LIMCH1: variants seen among roughly 807,000 people sequenced by gnomAD.
LIMCH1 encodes LIM and calponin homology domains-containing protein 1.
LIMCH1 carries 113 observed loss-of-function variants against 176.5 expected under a neutral mutation model. The observed-to-expected ratio is 0.64, with a 90% CI of 0.55 to 0.75. The LOEUF is 0.75. LIMCH1 is among the 30% of genes least tolerant of loss of function. The probability of loss-of-function intolerance (pLI) is 0.00; values close to 1 mark genes in which losing one functional copy is unlikely to be tolerated. For synonymous variants in LIMCH1, 619 were observed against 645.9 expected, an observed-to-expected ratio of 0.96 and a Z score of 0.63; for missense variants, 1,674 against 1,814.9, an observed-to-expected ratio of 0.92 and a Z score of 1.41.
intron 31 of LIMCH1, among the ~76,000 whole-genome samples, chr4:41,695,333 T>C (rs1017441323): frequency 1.3e-5 from 2 of 151,606 alleles, no homozygotes; most frequent in African/African-American, 2.4e-5. Flanking sequence ...ATTGTTTTTT[T>C]TTTTCTCCTT....
At chr4:41,481,598 G>A (rs961715914) in intron 1 of LIMCH1, among the ~76,000 whole-genome samples, 2 of 152,176 alleles carry the variant, frequency 1.3e-5, no homozygotes, top group African/African-American at 4.8e-5. Context: ...GGTGGCAACT[G>A]CAGTTGTCTG....
intron 2 of LIMCH1, among the ~76,000 whole-genome samples, chr4:41,523,977 G>A (rs59451904): frequency 0.01 from 1,596 of 152,264 alleles, 27 homozygotes; most frequent in African/African-American, 0.036. Flanking sequence ...ATGTGTCTTG[G>A]CGAATCATTT....
At chr4:41,593,389 TG>T (rs2088040833) in intron 1 of LIMCH1, among the ~76,000 whole-genome samples, 2 of 152,238 alleles carry the variant, frequency 1.3e-5, no homozygotes, top group Admixed American at 1.3e-4. Flanking sequence ...ATGCAGTACT[TG>T]CCAATTAGCC....
chr4:41,362,795 C>A (rs1184212165), intron 1 of LIMCH1, among the ~76,000 whole-genome samples: 1 of 152,108 alleles, frequency 6.6e-6, no homozygotes, highest in Non-Finnish European at 1.5e-5. Flanking sequence ...ATATTTCAGG[C>A]TATTATGCAG....
At chr4:41,613,381 T>G (rs1335938652) in intron 4 of LIMCH1, 85 bp from the exon 5 acceptor site, 1 of 1,176,852 alleles carries the variant, frequency 8.5e-7, no homozygotes, top group African/African-American at 1.5e-5. Context: ...ATGCAGGGGT[T>G]TTTTTGGAGA....
At chr4:41,661,819 T>A in intron 19 of LIMCH1, 1 of 385,416 alleles carries the variant, frequency 2.6e-6, no homozygotes, top group Non-Finnish European at 4.8e-6. Flanking sequence ...AAATTGAGGG[T>A]AGGATTTTGA....
rs184532256 is a variant in LIMCH1, at chr4:41,613,643, C to T, written c.187C>T (p.Leu63Phe). 2.9e-5 allele frequency: 47 copies of T among 1,614,036 alleles called. No individual in the cohort carries two copies. In the East Asian group the frequency reaches 9.8e-4, roughly 34 times the overall value. ...SRQTPSPDVV[L>F]RGSSDGRGSD... ...GCAGACGCCTTCACCAGATGTAGTC[C>T]TCAGGGGAAGCAGCGATGGTAGGTT... Residue 63 changes from leucine to phenylalanine, a missense_variant, in exon 5 of 32, where the codon CTC becomes TTC. Leu to Phe is a conservative substitution (Grantham distance 22, BLOSUM62 0). This residue lies in a region of LIMCH1 where 655 missense variants were observed against 692.2 expected (regional missense o/e 0.95). Transcript: ENST00000503057.
intron 1 of LIMCH1, among the ~76,000 whole-genome samples, chr4:41,589,244 G>A (rs190343691): frequency 1.6e-4 from 25 of 152,286 alleles, no homozygotes; most frequent in Non-Finnish European, 8.8e-5. Flanking sequence ...TACTTCTTAT[G>A]TCCCAGTTAT....
rs762094360 is a variant in LIMCH1, at chr4:41,598,946, T to A, written c.-214T>A. ...ACAATATTATCTTATTCTTGAGAGGTTGTAAAGAGCTCGGCCTTAAAGAAT... is the reference window on the plus strand; with the variant it reads ...ACAATATTATCTTATTCTTGAGAGGATGTAAAGAGCTCGGCCTTAAAGAAT... On this transcript the variant is annotated 5_prime_UTR_variant, in exon 2 of 32. In the 5' UTR this introduces an upstream ATG that the reference lacks. Transcript: ENST00000503057. The A allele has an allele frequency of 6.2e-7, 1 of 1,609,670 alleles. No homozygotes were observed. The highest frequency in any genetic ancestry group is 8.5e-7 in the Non-Finnish European group (1 of 1,176,350).
intron 1 of LIMCH1, among the ~76,000 whole-genome samples, chr4:41,467,498 T>C (rs1030345465): frequency 6.6e-6 from 1 of 152,156 alleles, no homozygotes; most frequent in East Asian, 1.9e-4. Flanking sequence ...CAAGAGGGCA[T>C]GTGCAGGGGA....
intron 1 of LIMCH1, among the ~76,000 whole-genome samples, chr4:41,565,384 TACACAC>T (rs897890089): frequency 1.0e-5 from 1 of 100,332 alleles, no homozygotes; most frequent in Admixed American, 9.6e-5. Context: ...CACACACACA[TACACAC>T]ACACACAGAC....
At chr4:41,581,819 A>AAAAAAAAAAAAC (rs2085517015) in intron 1 of LIMCH1, among the ~76,000 whole-genome samples, 1 of 150,888 alleles carries the variant, frequency 6.6e-6, no homozygotes, top group Admixed American at 6.7e-5. Flanking sequence ...AAAAAAAAAA[A>AAAAAAAAAAAAC]AAAAAAAAAA....
chr4:41,612,461 C>T, intron 4 of LIMCH1: 1 of 692,716 alleles, frequency 1.4e-6, no homozygotes, highest in East Asian at 2.7e-5. Context: ...TATCCACAGT[C>T]CTAATTTTAA....
At chr4:41,621,739 C>T (rs1009143622) in intron 7 of LIMCH1, among the ~76,000 whole-genome samples, 14 of 150,748 alleles carry the variant, frequency 9.3e-5, no homozygotes, top group African/African-American at 3.2e-4. Context: ...GCTGATATAC[C>T]CATCTTCCAG....
intron 1 of LIMCH1, among the ~76,000 whole-genome samples, chr4:41,492,639 G>A (rs2071299146): frequency 6.6e-6 from 1 of 152,190 alleles, no homozygotes; most frequent in Non-Finnish European, 1.5e-5. Context: ...TTGGTAGATA[G>A]TGTTGGTCAA....
intron 1 of LIMCH1, among the ~76,000 whole-genome samples, chr4:41,487,618 T>G (rs574594850): frequency 1.4e-3 from 220 of 152,136 alleles, no homozygotes; most frequent in Non-Finnish European, 2.7e-3. Flanking sequence ...CATGAACAAT[T>G]TAGGTTGTAT....
At chr4:41,554,332 A>G (rs543874449) in intron 1 of LIMCH1, among the ~76,000 whole-genome samples, 105 of 152,264 alleles carry the variant, frequency 6.9e-4, no homozygotes, top group Admixed American at 3.9e-3. Flanking sequence ...GGCCAAGGTG[A>G]TGGGATGTGG....
At chr4:41,476,402 C>T (rs1352418455) in intron 1 of LIMCH1, among the ~76,000 whole-genome samples, 3 of 152,144 alleles carry the variant, frequency 2.0e-5, no homozygotes, top group South Asian at 2.1e-4. Flanking sequence ...GGGCGTTGTT[C>T]GTGGAGGTGG....
intron 5 of LIMCH1, among the ~76,000 whole-genome samples, chr4:41,615,717 A>G (rs1038178132): frequency 2.6e-5 from 4 of 152,196 alleles, no homozygotes; most frequent in African/African-American, 9.7e-5. Context: ...CCTAATAAAC[A>G]CTTCCAAATT....
Sources: allele counts gnomAD v4.1 joint callset (sites outside exome capture counted in the v4.1 genomes callset), GRCh38; gene constraint gnomAD v4.1.1; regional missense constraint gnomAD v4.1.1; transcripts MANE v1.5; gene names NCBI Gene and HGNC (gene_info 2026-07-23, HGNC 2026-07-21).